The following FAM163B variants were observed in gnomAD, a reference collection of about 807,000 sequenced individuals.
FAM163B encodes the protein family with sequence similarity 163 member B.
In FAM163B, 4 loss-of-function variants were observed where a neutral mutation model predicts 7.6. The ratio of observed to expected loss-of-function variants is 0.52; its 90% CI spans 0.26 to 1.20. The LOEUF is 1.20. Among genes scored for constraint, FAM163B ranks in the 50% most tolerant of loss-of-function variants. The pLI, the probability that FAM163B is intolerant of heterozygous loss-of-function variation, is 0.14. For synonymous variants in FAM163B, 120 were observed against 111.6 expected (o/e 1.07, Z -0.47); for missense variants, 250 against 243.0 (o/e 1.03, Z -0.19).
At chr9:133,580,014 G>T in intron 2 of FAM163B, 117 bp downstream of exon 2, 1 of 811,276 alleles carries the variant, frequency 1.2e-6, no homozygotes, top group Admixed American at 2.1e-5. Flanking sequence ...CTGCCACAGG[G>T]CTCTTCCCCA....
chr9:133,583,102 C>T (rs1337588383), intron 1 of FAM163B, among the ~76,000 whole-genome samples: 15 of 152,308 alleles, frequency 9.8e-5, no homozygotes, highest in African/African-American at 3.6e-4. Context: ...ACTCACACAG[C>T]TTGGGAGGGG....
intron 1 of FAM163B, among the ~76,000 whole-genome samples, chr9:133,605,117 C>A (rs1374205224): frequency 1.3e-5 from 2 of 152,184 alleles, no homozygotes; most frequent in Non-Finnish European, 2.9e-5. Context: ...TACGGCAGAG[C>A]CAGGAAGTGA....
chr9:133,604,500 C>G (rs764793432), intron 1 of FAM163B, among the ~76,000 whole-genome samples: 2 of 152,156 alleles, frequency 1.3e-5, no homozygotes, highest in African/African-American at 2.4e-5. Context: ...GCCAACCAAC[C>G]AACCAACAAA....
chr9:133,580,823 T>C (rs1279836332), intron 1 of FAM163B, among the ~76,000 whole-genome samples: 3 of 152,360 alleles, frequency 2.0e-5, no homozygotes, highest in Admixed American at 6.5e-5. Context: ...CATTTGTACG[T>C]GTGCGGCTTA....
Position 133,578,632 on chromosome 9 carries a change from A to G in FAM163B, c.*390T>C, listed in dbSNP as rs1831291238. ...CCTCACTGAGGTCATCCCTTCCTTG[A>G]GCAGGTGAGAAGGGTGAGACCCAGG... On this transcript the variant is annotated 3_prime_UTR_variant, in exon 3 of 3. Transcript: ENST00000673969. 1 of 205,460 alleles carries G rather than the reference A, an allele frequency of 4.9e-6. No homozygotes were observed. The highest frequency in any genetic ancestry group is 9.7e-6 in the Non-Finnish European group (1 of 103,056). The allele number at this position is 205,460 out of a possible 1,614,324, so 12.7% of individuals were successfully genotyped here.
chr9:133,598,256 G>A (rs1350841084), intron 1 of FAM163B, among the ~76,000 whole-genome samples: 1 of 152,024 alleles, frequency 6.6e-6, no homozygotes, highest in Non-Finnish European at 1.5e-5. Flanking sequence ...CTCCCCCTGG[G>A]GACCCCAGTC....
Position 133,588,038 on chromosome 9 carries a change from C to T in FAM163B, c.-23-7792G>A, listed in dbSNP as rs1831468183. On this transcript the variant is annotated intron_variant, in intron 1 of 2. Coordinates refer to ENST00000673969, the MANE Select transcript of FAM163B (RefSeq NM_001080515.3). ...AGTGCTCACCAGGACCTCACTGCTGCTATCTGCCCAGGAAGCCAGGAGCAG... is the reference window on the plus strand; with the variant it reads ...AGTGCTCACCAGGACCTCACTGCTGTTATCTGCCCAGGAAGCCAGGAGCAG... Among the ~76,000 whole-genome samples, 2 of 152,104 alleles carry T rather than the reference C, an allele frequency of 1.3e-5. 1 individual carries two copies. Among genetic ancestry groups the T allele is most frequent in the South Asian group, 4.1e-4 (2 of 4,820 alleles).
In FAM163B at chr9:133,600,206, A is replaced by C. The variant is rs200333713; in HGVS notation, c.-24+8871T>G. On this transcript the variant is annotated intron_variant, in intron 1 of 2. Transcript: ENST00000673969. The surrounding 1 kb of genome is among the most constrained non-coding windows in gnomAD (Gnocchi z 4.9). ...TGTATGTGGGAATGTGGTCTGTGTG[A>C]GTGTGTGTGTGTGGGGGGGAATGTG... 5.3e-5 allele frequency among the ~76,000 whole-genome samples: 6 copies of C among 113,724 alleles called. No homozygotes were observed. The highest frequency in any genetic ancestry group is 1.1e-4 in the Non-Finnish European group (6 of 54,856). The allele number at this position is 113,724 out of a possible 152,430, so 74.6% of individuals were successfully genotyped here.
rs1156814916 is a variant in FAM163B, at chr9:133,577,603, C to T, written c.*1419G>A. On this transcript the variant is annotated 3_prime_UTR_variant, in exon 3 of 3. Transcript: ENST00000673969. ...CCCGGCCAAGCCTTGTCTTTGAGGGCGGTGCCTTCCCTGGGCAGAGAGGGG... is the reference window on the plus strand; with the variant it reads ...CCCGGCCAAGCCTTGTCTTTGAGGGTGGTGCCTTCCCTGGGCAGAGAGGGG... Among the ~76,000 whole-genome samples the T allele has an allele frequency of 6.6e-6, 1 of 152,340 alleles. No homozygotes were observed. Among genetic ancestry groups the T allele is most frequent in the African/African-American group, 2.4e-5 (1 of 41,578 alleles).
At chr9:133,590,251 TCTCTCTCC>T (rs879381549) in intron 1 of FAM163B, among the ~76,000 whole-genome samples, 1,583 of 118,718 alleles carry the variant, frequency 0.013, 27 homozygotes, top group Non-Finnish European at 0.023. Flanking sequence ...TCCTTCCTTC[TCTCTCTCC>T]TTCCTTCCTT....
chr9:133,599,630 A>ATGTG (rs1382317437), intron 1 of FAM163B, among the ~76,000 whole-genome samples: 1 of 147,908 alleles, frequency 6.8e-6, no homozygotes, highest in Non-Finnish European at 1.5e-5. Flanking sequence ...GCATGCATGT[A>ATGTG]TGTGTAAGTG....
chr9:133,583,594 G>A (rs932411255), intron 1 of FAM163B, among the ~76,000 whole-genome samples: 1 of 152,082 alleles, frequency 6.6e-6, no homozygotes, highest in African/African-American at 2.4e-5. Context: ...GTCCTTCATC[G>A]GGTCCCTGAG....
chr9:133,590,074 T>C (rs867252644), intron 1 of FAM163B, among the ~76,000 whole-genome samples: 1,246 of 16,462 alleles, frequency 0.076, 265 homozygotes, highest in African/African-American at 0.26. Context: ...TCCCCTTCCC[T>C]TCCCCTTCCC....
At chr9:133,588,638 CTAGCAGGT>C (rs1831484372) in intron 1 of FAM163B, among the ~76,000 whole-genome samples, 2 of 151,046 alleles carry the variant, frequency 1.3e-5, no homozygotes, top group Non-Finnish European at 3.0e-5. Flanking sequence ...GTTGAGGGAT[CTAGCAGGT>C]TGAAGGATCT....
In FAM163B at chr9:133,579,025, C is replaced by T; in HGVS notation, c.498G>A (p.Val166=). ...GGATCCCGGGGGCGGGCCCAGGTCA[C>T]ACGTCGGTGCTGATGCTGCGGCTCC... ...FARSRSISTD[V] is the part of the protein sequence containing the mutation. Residue 166 remains valine (V), a synonymous_variant, in exon 3 of 3, where the codon GTG becomes GTA. Coordinates refer to ENST00000673969, the MANE Select transcript of FAM163B (RefSeq NM_001080515.3). 6.6e-7 allele frequency: 1 copy of T among 1,526,142 alleles called. No individual in the cohort carries two copies. The highest frequency in any genetic ancestry group is 8.8e-7 in the Non-Finnish European group (1 of 1,137,084). 94.5% of individuals were successfully genotyped at this position (1,526,142 alleles called of 1,614,324 possible).
At chr9:133,581,159 C>G (rs1237803798) in intron 1 of FAM163B, among the ~76,000 whole-genome samples, 17 of 152,168 alleles carry the variant, frequency 1.1e-4, no homozygotes, top group African/African-American at 4.1e-4. Context: ...CAGCTCATCC[C>G]TGTCCTGGGC....
intron 1 of FAM163B, among the ~76,000 whole-genome samples, chr9:133,607,510 A>G (rs74843418): frequency 6.6e-6 from 1 of 152,212 alleles, no homozygotes; most frequent in Non-Finnish European, 1.5e-5. Flanking sequence ...CTGAGAGTCC[A>G]GCAATGCACC....
At chr9:133,597,343 A>G (rs1489169260) in intron 1 of FAM163B, among the ~76,000 whole-genome samples, 2 of 152,232 alleles carry the variant, frequency 1.3e-5, no homozygotes, top group Non-Finnish European at 2.9e-5. Flanking sequence ...GCCTAAGATG[A>G]AAAATGCAGT....
rs543038682 is a variant in FAM163B at position 133,600,998 on chromosome 9, T to C, written c.-24+8079A>G. On this transcript the variant is annotated intron_variant, in intron 1 of 2. Transcript: ENST00000673969. The surrounding 1 kb of genome is among the most constrained non-coding windows in gnomAD (Gnocchi z 4.9). Reference sequence around the variant, plus strand: ...TTCCCTGACATCAGCCCAAGTTCTCTCCCAAGTACCAGCCATGAGGACCCC... The same window carrying C: ...TTCCCTGACATCAGCCCAAGTTCTCCCCCAAGTACCAGCCATGAGGACCCC... Among the ~76,000 whole-genome samples, 1 of 152,074 alleles carries C rather than the reference T, an allele frequency of 6.6e-6. No individual in the cohort carries two copies. The highest frequency in any genetic ancestry group is 2.1e-4 in the South Asian group (1 of 4,812).
Sources: gnomAD v4.1 joint callset for allele counts (sites outside exome capture counted in the v4.1 genomes callset) on GRCh38, gnomAD v4.1.1 for gene constraint, Gnocchi (gnomAD v3.1) non-coding constraint, MANE v1.5 for transcripts, NCBI Gene and HGNC (gene_info 2026-07-23, HGNC 2026-07-21) for gene names.